CSGALNACT1: variants seen among roughly 807,000 people sequenced by gnomAD.
CSGALNACT1 encodes the protein beta4GalNAcT-1.
In CSGALNACT1, 52 loss-of-function variants were observed where a neutral mutation model predicts 51.0. The ratio of observed to expected loss-of-function variants is 1.02; its 90% CI spans 0.82 to 1.29. The LOEUF (loss-of-function observed/expected upper bound fraction) is 1.29, where lower values mean the gene tolerates loss of function less well. Ranked by LOEUF, CSGALNACT1 falls within the 50% of genes most tolerant of loss-of-function variation. The probability of loss-of-function intolerance (pLI) is 0.00; values close to 1 mark genes in which losing one functional copy is unlikely to be tolerated. For synonymous variants in CSGALNACT1, 341 were observed against 254.4 expected (o/e 1.34, Z -3.24); for missense variants, 935 against 679.2 (o/e 1.38, Z -4.19).
At chr8:19,405,886 G>C in exon 10 of CSGALNACT1, 1 of 1,614,120 alleles carries the variant, frequency 6.2e-7, no homozygotes. Context: ...CTCGTTCATG[G>C]CCTTGGACTG....
At chr8:19,655,579 C>CACACACACAT (rs377123745) in intron 1 of CSGALNACT1, among the ~76,000 whole-genome samples, 2 of 111,830 alleles carry the variant, frequency 1.8e-5, no homozygotes, top group Non-Finnish European at 3.8e-5. Flanking sequence ...CACACACACA[C>CACACACACAT]ATATATATAT....
At chr8:19,638,873 A>G (rs954438959) in intron 1 of CSGALNACT1, among the ~76,000 whole-genome samples, 5 of 152,114 alleles carry the variant, frequency 3.3e-5, no homozygotes, top group South Asian at 2.1e-4. Flanking sequence ...AAAAGCATAC[A>G]CCGAGACTTA....
intron 5 of CSGALNACT1, among the ~76,000 whole-genome samples, chr8:19,454,677 T>A (rs1033272113): frequency 2.6e-5 from 4 of 151,710 alleles, no homozygotes; most frequent in African/African-American, 9.7e-5. Flanking sequence ...TCAAAATAAA[T>A]AAATAAATGA....
intron 3 of CSGALNACT1, among the ~76,000 whole-genome samples, chr8:19,527,048 T>C (rs778067862): frequency 2.6e-5 from 4 of 152,212 alleles, no homozygotes; most frequent in East Asian, 3.9e-4. Flanking sequence ...CTATATACTA[T>C]GTAGCTAAAG....
intron 3 of CSGALNACT1, among the ~76,000 whole-genome samples, chr8:19,514,165 G>A (rs2079024460): frequency 6.6e-6 from 1 of 152,052 alleles, no homozygotes; most frequent in South Asian, 2.1e-4. Context: ...AGGTGCTTGA[G>A]CCAAATCCCA....
chr8:19,744,585 T>G (rs975122573), intron 1 of CSGALNACT1, among the ~76,000 whole-genome samples: 4 of 152,172 alleles, frequency 2.6e-5, no homozygotes, highest in African/African-American at 9.7e-5. Flanking sequence ...TATAATTTAT[T>G]TATAGGTAAC....
intron 5 of CSGALNACT1, among the ~76,000 whole-genome samples, chr8:19,443,997 A>G (rs1313418685): frequency 6.6e-6 from 1 of 152,210 alleles, no homozygotes; most frequent in Non-Finnish European, 1.5e-5. Flanking sequence ...TGCGGTTCAC[A>G]ATAAGGTTCA....
At chr8:19,695,929 G>A (rs1194683623) in intron 1 of CSGALNACT1, among the ~76,000 whole-genome samples, 1 of 152,178 alleles carries the variant, frequency 6.6e-6, no homozygotes, top group Non-Finnish European at 1.5e-5. Context: ...TAGCGCTCAT[G>A]AAAAACGATG....
intron 3 of CSGALNACT1, among the ~76,000 whole-genome samples, chr8:19,539,904 C>T (rs2084691723): frequency 6.6e-6 from 1 of 152,060 alleles, no homozygotes; most frequent in African/African-American, 2.4e-5. Flanking sequence ...ATGAGGTAGC[C>T]TGGAAAGAAA....
intron 2 of CSGALNACT1, among the ~76,000 whole-genome samples, chr8:19,594,271 T>C (rs1201159477): frequency 6.6e-6 from 1 of 152,138 alleles, no homozygotes; most frequent in Non-Finnish European, 1.5e-5. Flanking sequence ...GAGTTTATTG[T>C]CACAATATAG....
At chr8:19,627,377 G>C (rs1476207416) in intron 1 of CSGALNACT1, among the ~76,000 whole-genome samples, 3 of 152,118 alleles carry the variant, frequency 2.0e-5, no homozygotes, top group Admixed American at 1.3e-4. Flanking sequence ...GAGCGAGTTA[G>C]GGATGAAAAG....
At chr8:19,633,384 C>T (rs1328488641) in intron 1 of CSGALNACT1, among the ~76,000 whole-genome samples, 2 of 152,052 alleles carry the variant, frequency 1.3e-5, no homozygotes, top group African/African-American at 4.8e-5. Flanking sequence ...AATTAAGGGC[C>T]GAATGGTGGT....
chr8:19,437,422 T>C (rs780820757), intron 6 of CSGALNACT1, among the ~76,000 whole-genome samples: 1 of 151,994 alleles, frequency 6.6e-6, no homozygotes, highest in Non-Finnish European at 1.5e-5. Flanking sequence ...GTAGGAAGAT[T>C]GATCTGGAAG....
chr8:19,433,963 G>A (rs1251759058), intron 6 of CSGALNACT1, among the ~76,000 whole-genome samples: 1 of 152,154 alleles, frequency 6.6e-6, no homozygotes, highest in East Asian at 1.9e-4. Context: ...CACTGTGCTT[G>A]TGGGCTGTTG....
chr8:19,419,092 C>T (rs990437876), intron 7 of CSGALNACT1, among the ~76,000 whole-genome samples: 2 of 152,132 alleles, frequency 1.3e-5, no homozygotes, highest in South Asian at 2.1e-4. Context: ...ATGATCCACC[C>T]GCCTCGGCCT....
chr8:19,740,216 C>G (rs1182469697), intron 1 of CSGALNACT1, among the ~76,000 whole-genome samples: 3 of 152,210 alleles, frequency 2.0e-5, no homozygotes, highest in African/African-American at 7.2e-5. Context: ...GAAGCACACA[C>G]AAATCTCTCC....
At chr8:19,554,048 G>C (rs879525650) in intron 3 of CSGALNACT1, among the ~76,000 whole-genome samples, 5 of 151,622 alleles carry the variant, frequency 3.3e-5, no homozygotes, top group Non-Finnish European at 7.4e-5. Flanking sequence ...TGGAGCCCCA[G>C]AAAAAGTGAA....
At chr8:19,574,893 G>A (rs892410040) in intron 3 of CSGALNACT1, among the ~76,000 whole-genome samples, 7 of 152,090 alleles carry the variant, frequency 4.6e-5, no homozygotes, top group African/African-American at 1.4e-4. Context: ...AAATTAGCTG[G>A]ACATGGTAGC....
intron 3 of CSGALNACT1, among the ~76,000 whole-genome samples, chr8:19,538,532 C>T (rs1287536107): frequency 1.3e-5 from 2 of 151,994 alleles, no homozygotes; most frequent in African/African-American, 2.4e-5. Context: ...GACCTCATGT[C>T]GAACGCAGGA....
Sources: gnomAD v4.1 joint callset for allele counts (sites outside exome capture counted in the v4.1 genomes callset) on GRCh38, gnomAD v4.1.1 for gene constraint, MANE v1.5 for transcripts, NCBI Gene and HGNC (gene_info 2026-07-23, HGNC 2026-07-21) for gene names.